RAB3IP: variants seen among roughly 807,000 people sequenced by gnomAD.
RAB3IP encodes the protein rab-3A-interacting protein.
A neutral mutation model predicts 59.1 loss-of-function variants in RAB3IP; 36 were observed. That is an observed-to-expected ratio of 0.61 (90% CI 0.47 to 0.80). The LOEUF is 0.80. Among genes scored for constraint, RAB3IP ranks in the 30% least tolerant of loss-of-function variants. RAB3IP has a pLI of 0.00. For synonymous variants in RAB3IP, 207 were observed against 191.2 expected (o/e 1.08, Z -0.68); for missense variants, 511 against 536.0 (o/e 0.95, Z 0.46).
intron 3 of RAB3IP, among the ~76,000 whole-genome samples, chr12:69,779,658 C>T (rs1214244549): frequency 6.7e-6 from 1 of 149,294 alleles, no homozygotes; most frequent in Non-Finnish European, 1.5e-5. Context: ...TTTTTCACTG[C>T]TTTCACTGCA....
chr12:69,744,597 G>A (rs1018423824), intron 1 of RAB3IP, among the ~76,000 whole-genome samples: 1 of 151,420 alleles, frequency 6.6e-6, no homozygotes. Context: ...GGTGGCAGGC[G>A]CCTGTAATCC....
At chr12:69,781,619 CAT>C (rs1874723858) in intron 3 of RAB3IP, among the ~76,000 whole-genome samples, 1 of 152,198 alleles carries the variant, frequency 6.6e-6, no homozygotes, top group African/African-American at 2.4e-5. Flanking sequence ...GAGTTGGAAT[CAT>C]ATAGTGTGTA....
intron 3 of RAB3IP, among the ~76,000 whole-genome samples, chr12:69,759,638 C>T (rs567854925): frequency 5.3e-5 from 7 of 132,872 alleles, no homozygotes; most frequent in African/African-American, 5.6e-5. Context: ...CTGGACGGGG[C>T]GGCTGGCTGG....
intron 3 of RAB3IP, among the ~76,000 whole-genome samples, chr12:69,767,081 TCTC>T (rs1204385547): frequency 1.3e-5 from 2 of 152,258 alleles, no homozygotes; most frequent in Non-Finnish European, 2.9e-5. Context: ...TCCACTGGTT[TCTC>T]CTCATCTGGA....
chr12:69,740,618 G>A (rs990998457), intron 1 of RAB3IP, among the ~76,000 whole-genome samples: 5 of 152,170 alleles, frequency 3.3e-5, no homozygotes, highest in African/African-American at 1.2e-4. Context: ...GCCATTTAAT[G>A]TTTAGCTGCT....
Position 69,820,121 on chromosome 12 carries a change from C to T in RAB3IP, c.*4675C>T, listed in dbSNP as rs1881543493. 6.6e-6 allele frequency: 1 copy of T among 152,008 alleles called. No homozygotes were observed. The highest frequency in any genetic ancestry group is 2.1e-4 in the South Asian group (1 of 4,800). The allele number at this position is 152,008 out of a possible 1,614,324, so 9.4% of individuals were successfully genotyped here. On this transcript the variant is annotated 3_prime_UTR_variant, in exon 11 of 11. Transcript: ENST00000247833. The stretch of plus-strand genomic sequence containing the variant: ...AGTGGTTTTTGTTGTTGCATTTTTC[C>T]CTAGATAAAATGTTTTTTCTATAAG...
rs78138993 is a variant in RAB3IP at position 69,754,114 on chromosome 12, A to G, written c.-25-1270A>G. On this transcript the variant is annotated intron_variant, in intron 1 of 10. Coordinates refer to ENST00000247833, the MANE Select transcript of RAB3IP (RefSeq NM_022456.5). ...GAGGGGCTAGTGTTATCCCCATTCT[A>G]ATCTCATCAGAGGAGAAATTTAAGG... Among the ~76,000 whole-genome samples, 70 of 152,262 alleles carry G rather than the reference A, an allele frequency of 4.6e-4. No homozygotes were observed. In the East Asian group the frequency reaches 0.012, roughly 26 times the overall value.
At chr12:69,793,419 G>A (rs1284223958) in intron 4 of RAB3IP, among the ~76,000 whole-genome samples, 3 of 152,154 alleles carry the variant, frequency 2.0e-5, no homozygotes, top group Non-Finnish European at 4.4e-5. Flanking sequence ...CAGATCTAGT[G>A]AGGGTGCCAT....
In RAB3IP at chr12:69,822,019, G is replaced by A. The variant is rs1881801650; in HGVS notation, c.*6573G>A. ...CTGTGCTGCTGAGAACATGAAGTCTGTGGGTGAATTGGTGGACGGGATCCA... is the reference window on the plus strand; with the variant it reads ...CTGTGCTGCTGAGAACATGAAGTCTATGGGTGAATTGGTGGACGGGATCCA... On this transcript the variant is annotated 3_prime_UTR_variant, in exon 11 of 11. Coordinates refer to ENST00000247833, the MANE Select transcript of RAB3IP (RefSeq NM_022456.5). 6.6e-6 allele frequency: 1 copy of A among 152,224 alleles called. No individual in the cohort carries two copies. The highest frequency in any genetic ancestry group is 1.5e-5 in the Non-Finnish European group (1 of 68,062). 9.4% of individuals were successfully genotyped at this position (152,224 alleles called of 1,614,324 possible).
chr12:69,747,736 C>T (rs1319330624), intron 1 of RAB3IP, among the ~76,000 whole-genome samples: 1 of 152,172 alleles, frequency 6.6e-6, no homozygotes, highest in Non-Finnish European at 1.5e-5. Flanking sequence ...GGTTAAGTTA[C>T]CCTGTTGGCT....
At position 69,785,895 on chromosome 12, in the gene RAB3IP, T is replaced by G. The variant is rs546620674; in HGVS notation, c.606+1080T>G. Among the ~76,000 whole-genome samples, 77 of 152,310 alleles carry G rather than the reference T, an allele frequency of 5.1e-4. 2 individuals are homozygous for G. Among genetic ancestry groups the G allele is most frequent in the Middle Eastern group, 6.8e-3 (2 of 294 alleles). On this transcript the variant is annotated intron_variant, in intron 4 of 10. Transcript: ENST00000247833. ...CTGGGGGTGAGGTGAGGGTAGTACT[T>G]CCATGAGTAAGAACTGTTGCTGTAA... is the stretch of plus-strand genomic sequence containing the variant.
At chr12:69,762,756 C>CAAAAAAAAAAAAAAAAAAAAAAAA (rs11445702) in intron 3 of RAB3IP, among the ~76,000 whole-genome samples, 1 of 76,758 alleles carries the variant, frequency 1.3e-5, no homozygotes. Flanking sequence ...GACTCCGTCT[C>CAAAAAAAAAAAAAAAAAAAAAAAA]AAAAAAAAAA....
chr12:69,769,810 A>AT (rs1217669316), intron 3 of RAB3IP, among the ~76,000 whole-genome samples: 2 of 152,128 alleles, frequency 1.3e-5, no homozygotes, highest in Non-Finnish European at 2.9e-5. Flanking sequence ...TGAGTTGTAC[A>AT]TTTTTTTCAA....
intron 3 of RAB3IP, among the ~76,000 whole-genome samples, chr12:69,765,869 T>C (rs75754548): frequency 0.021 from 3,248 of 152,352 alleles, 124 homozygotes; most frequent in African/African-American, 0.074. Flanking sequence ...GTTGCTTGTC[T>C]GGAAAATATT....
At chr12:69,756,954 C>G (rs893870229) in intron 3 of RAB3IP, among the ~76,000 whole-genome samples, 4 of 152,168 alleles carry the variant, frequency 2.6e-5, no homozygotes, top group African/African-American at 9.7e-5. Context: ...ATTGAGTGGG[C>G]TATATTCCAC....
At chr12:69,771,048 T>G (rs1223110962) in intron 3 of RAB3IP, among the ~76,000 whole-genome samples, 1 of 152,258 alleles carries the variant, frequency 6.6e-6, no homozygotes, top group Non-Finnish European at 1.5e-5. Flanking sequence ...CGCTATTCTC[T>G]GCTCTACTTC....
chr12:69,771,066 T>C (rs894480077), intron 3 of RAB3IP, among the ~76,000 whole-genome samples: 1 of 152,230 alleles, frequency 6.6e-6, no homozygotes, highest in Non-Finnish European at 1.5e-5. Flanking sequence ...TTCTATGAGA[T>C]CAAATTTTTT....
At chr12:69,747,521 C>T (rs1868525287) in intron 1 of RAB3IP, among the ~76,000 whole-genome samples, 1 of 152,108 alleles carries the variant, frequency 6.6e-6, no homozygotes, top group African/African-American at 2.4e-5. Flanking sequence ...TTGGTTGTTG[C>T]TTAAACATCT....
At chr12:69,786,987 G>A (rs1401999563) in intron 4 of RAB3IP, among the ~76,000 whole-genome samples, 4 of 152,128 alleles carry the variant, frequency 2.6e-5, no homozygotes, top group Non-Finnish European at 5.9e-5. Flanking sequence ...CGTGGAAAAA[G>A]CGCTCAAAGT....
Sources: gnomAD v4.1 joint callset for allele counts (sites outside exome capture counted in the v4.1 genomes callset) on GRCh38, gnomAD v4.1.1 for gene constraint, MANE v1.5 for transcripts, NCBI Gene and HGNC (gene_info 2026-07-23, HGNC 2026-07-21) for gene names.